TRDN: variants seen among roughly 807,000 people sequenced by gnomAD.
TRDN encodes the protein triadin.
TRDN carries 161 observed loss-of-function variants against 149.7 expected under a neutral mutation model. The ratio of observed to expected loss-of-function variants is 1.08; its 90% CI spans 0.95 to 1.23. The LOEUF (loss-of-function observed/expected upper bound fraction) is 1.23, where lower values mean the gene tolerates loss of function less well. Ranked by LOEUF, TRDN falls within the 50% of genes most tolerant of loss-of-function variation. The pLI, the probability that TRDN is intolerant of heterozygous loss-of-function variation, is 0.00. For missense variants in TRDN, 896 were observed against 823.5 expected (o/e 1.09, Z -1.08); for synonymous variants, 294 against 250.5 (o/e 1.17, Z -1.64).
intron 10 of TRDN, chr6:123,441,043 C>G (rs1271557008): frequency 1.3e-5 from 2 of 152,138 alleles, no homozygotes; most frequent in African/African-American, 4.8e-5. Context: ...GACCTTTAAG[C>G]TGTCATTATG....
chr6:123,619,824 A>G (rs1785287311), intron 1 of TRDN, among the ~76,000 whole-genome samples: 1 of 152,124 alleles, frequency 6.6e-6, no homozygotes, highest in Non-Finnish European at 1.5e-5. Flanking sequence ...GAATACAAGA[A>G]ATGAGGACTC....
chr6:123,394,012 C>T (rs1772620178), intron 12 of TRDN, among the ~76,000 whole-genome samples: 1 of 151,948 alleles, frequency 6.6e-6, no homozygotes. Flanking sequence ...TATTATCAGC[C>T]CTTTGAAATC....
intron 9 of TRDN, among the ~76,000 whole-genome samples, chr6:123,496,550 A>G (rs1778454947): frequency 6.6e-6 from 1 of 152,142 alleles, no homozygotes; most frequent in Non-Finnish European, 1.5e-5. Flanking sequence ...GGCATAGTAC[A>G]AGCAATCAAG....
At chr6:123,342,924 A>G (rs1481915031) in intron 21 of TRDN, among the ~76,000 whole-genome samples, 1 of 152,028 alleles carries the variant, frequency 6.6e-6, no homozygotes, top group Non-Finnish European at 1.5e-5. Flanking sequence ...TTCCACAACT[A>G]TCTGTTGAAT....
chr6:123,476,824 T>A (rs1777503410), intron 9 of TRDN, among the ~76,000 whole-genome samples: 1 of 151,682 alleles, frequency 6.6e-6, no homozygotes, highest in Non-Finnish European at 1.5e-5. Context: ...ATTCCCTATT[T>A]AATAAATGGT....
chr6:123,412,779 C>G (rs961382050), intron 12 of TRDN, among the ~76,000 whole-genome samples: 1 of 151,256 alleles, frequency 6.6e-6, no homozygotes, highest in Non-Finnish European at 1.5e-5. Flanking sequence ...AAAACAATAT[C>G]AATTTTTAAA....
At chr6:123,327,231 C>T (rs1779490711) in intron 23 of TRDN, among the ~76,000 whole-genome samples, 1 of 151,944 alleles carries the variant, frequency 6.6e-6, no homozygotes, top group Non-Finnish European at 1.5e-5. Flanking sequence ...TCTCAGTGTG[C>T]GTTCCTATAC....
At chr6:123,337,766 A>C in intron 21 of TRDN, 97 bp from the exon 22 acceptor site, 4 of 635,408 alleles carry the variant, frequency 6.3e-6, no homozygotes, top group Non-Finnish European at 1.0e-5. Flanking sequence ...GCTTAAGATC[A>C]CAGGGCATCT....
chr6:123,562,316 A>G (rs929408412), intron 2 of TRDN, among the ~76,000 whole-genome samples: 1 of 152,192 alleles, frequency 6.6e-6, no homozygotes, highest in Non-Finnish European at 1.5e-5. Context: ...CACACAAAGC[A>G]TGTTTGGTGG....
intron 38 of TRDN, among the ~76,000 whole-genome samples, chr6:123,237,487 A>G (rs1207097976): frequency 6.6e-6 from 1 of 152,110 alleles, no homozygotes. Flanking sequence ...TGACCTCATG[A>G]ACTGCCCGCC....
At chr6:123,350,636 T>C in intron 21 of TRDN, 1 of 762,674 alleles carries the variant, frequency 1.3e-6, no homozygotes, top group Non-Finnish European at 1.6e-6. Context: ...AAAATATCTA[T>C]TTTTTGTATC....
chr6:123,540,870 A>C (rs1314455956), intron 4 of TRDN, among the ~76,000 whole-genome samples: 4 of 152,302 alleles, frequency 2.6e-5, no homozygotes, highest in Admixed American at 6.5e-5. Flanking sequence ...ACATCACTTG[A>C]ATCTGACACA....
At chr6:123,516,027 T>C in intron 6 of TRDN, 114 bp downstream of exon 6, 2 of 1,115,134 alleles carry the variant, frequency 1.8e-6, no homozygotes, top group Non-Finnish European at 2.3e-6. Context: ...TCTGAGAAAA[T>C]AATCCTAATC....
chr6:123,615,786 G>A (rs1785053832), intron 1 of TRDN, among the ~76,000 whole-genome samples: 1 of 152,092 alleles, frequency 6.6e-6, no homozygotes, highest in South Asian at 2.1e-4. Flanking sequence ...TTGGTTAATG[G>A]ATATAAAACT....
intron 1 of TRDN, among the ~76,000 whole-genome samples, chr6:123,612,916 T>C (rs1028382963): frequency 6.6e-6 from 1 of 152,226 alleles, no homozygotes; most frequent in Non-Finnish European, 1.5e-5. Flanking sequence ...TTGTGTCTTA[T>C]ATGAAACTGC....
chr6:123,422,727 A>T (rs1773960747), intron 12 of TRDN, among the ~76,000 whole-genome samples: 1 of 152,156 alleles, frequency 6.6e-6, no homozygotes, highest in Non-Finnish European at 1.5e-5. Context: ...TGGTTAAATA[A>T]AATGGGGCAA....
chr6:123,472,875 C>G (rs989689385), intron 9 of TRDN, among the ~76,000 whole-genome samples: 1 of 152,156 alleles, frequency 6.6e-6, no homozygotes, highest in Non-Finnish European at 1.5e-5. Context: ...AGACCTGCAG[C>G]TGAGGGTCCT....
chr6:123,284,723 C>T (rs1777738653), intron 24 of TRDN, among the ~76,000 whole-genome samples: 2 of 152,018 alleles, frequency 1.3e-5, no homozygotes, highest in Admixed American at 6.6e-5. Flanking sequence ...GGAAGTCAAA[C>T]TGTCGCTGTT....
Position 123,278,331 on chromosome 6 carries a change from CT to C in TRDN, c.1553del (p.Lys518ArgfsTer28), listed in dbSNP as rs1326161107. ...AAATATACATACCTGGCTTCTCTTC[CT>C]TTTTTCCTTGTAGTTCTAAAAATAT... ...KPKPPQLQGK[K>X]EEKPEPQIKK... is the part of the protein sequence containing the mutation. On this transcript the variant is annotated frameshift_variant, in exon 26 of 41. Coordinates refer to ENST00000334268, the MANE Select transcript of TRDN (RefSeq NM_006073.4). LOFTEE classifies it high-confidence loss of function. The C allele has an allele frequency of 1.3e-5, 17 of 1,295,282 alleles. No individual in the cohort carries two copies. Among genetic ancestry groups the C allele is most frequent in the Admixed American group, 5.6e-5 (2 of 35,754 alleles). 80.2% of individuals were successfully genotyped at this position (1,295,282 alleles called of 1,614,324 possible). A position where few individuals can be genotyped will look rare whatever the true frequency, so the allele number is the denominator to read the frequency against.
Sources: gnomAD v4.1 joint callset for allele counts (sites outside exome capture counted in the v4.1 genomes callset) on GRCh38, gnomAD v4.1.1 for gene constraint, MANE v1.5 for transcripts, NCBI Gene and HGNC (gene_info 2026-07-23, HGNC 2026-07-21) for gene names.